Variants in TMEM45A observed in about 807,000 individuals in gnomAD.
TMEM45A encodes transmembrane protein 45A.
TMEM45A carries 25 observed loss-of-function variants against 32.0 expected under a neutral mutation model. The observed-to-expected ratio is 0.78, with a 90% CI of 0.57 to 1.09. TMEM45A has a LOEUF of 1.09. Ranked by LOEUF, TMEM45A falls within the 50% of genes least tolerant of loss-of-function variation. The pLI is 0.00. For synonymous variants in TMEM45A, 122 were observed against 114.8 expected (o/e 1.06, Z -0.40); for missense variants, 302 against 325.0 (o/e 0.93, Z 0.54).
At position 100,512,497 on chromosome 3, in the gene TMEM45A, C is replaced by T. The variant is rs539169861; in HGVS notation, c.-4+19569C>T. ...GCAGTGTGTAGAGGGAAATTTATAGCACTAAATGCCCACAAGAGAAAGGAG... is the reference window on the plus strand; with the variant it reads ...GCAGTGTGTAGAGGGAAATTTATAGTACTAAATGCCCACAAGAGAAAGGAG... On this transcript the variant is annotated intron_variant, in intron 1 of 5. Transcript: ENST00000323523. Among the ~76,000 whole-genome samples, 286 of 152,282 alleles carry T rather than the reference C, an allele frequency of 1.9e-3. 1 individual carries two copies. Among genetic ancestry groups the T allele is most frequent in the African/African-American group, 6.5e-3 (271 of 41,562 alleles).
chr3:100,564,988 G>A (rs1706400612), intron 4 of TMEM45A, among the ~76,000 whole-genome samples: 1 of 152,176 alleles, frequency 6.6e-6, no homozygotes, highest in South Asian at 2.1e-4. Context: ...CCAGGTCACT[G>A]TCCTTCGTAT....
chr3:100,539,991 C>A (rs1449372047), intron 1 of TMEM45A, among the ~76,000 whole-genome samples: 2 of 151,810 alleles, frequency 1.3e-5, no homozygotes, highest in Non-Finnish European at 1.5e-5. Flanking sequence ...ATGTAAAATG[C>A]AAAAGTGTAA....
intron 1 of TMEM45A, among the ~76,000 whole-genome samples, chr3:100,526,051 C>A (rs1469190399): frequency 6.6e-6 from 1 of 152,192 alleles, no homozygotes; most frequent in Non-Finnish European, 1.5e-5. Context: ...AAATGAGCGT[C>A]TGCAGCAGCC....
chr3:100,515,369 A>G (rs1179830693), intron 1 of TMEM45A, among the ~76,000 whole-genome samples: 5 of 151,406 alleles, frequency 3.3e-5, no homozygotes, highest in African/African-American at 4.9e-5. Flanking sequence ...TCAGTAAACT[A>G]TCACAAGAAC....
At chr3:100,555,470 A>G (rs909752346) in intron 2 of TMEM45A, 69 bp downstream of exon 2, 1 of 1,434,388 alleles carries the variant, frequency 7.0e-7, no homozygotes, top group Non-Finnish European at 9.4e-7. Context: ...AATTGGTTGG[A>G]GCTTCTGAAA....
chr3:100,527,753 A>G (rs1705573711), intron 1 of TMEM45A, among the ~76,000 whole-genome samples: 1 of 152,202 alleles, frequency 6.6e-6, no homozygotes. Flanking sequence ...TGGAACCACT[A>G]ACATTTTAGA....
chr3:100,518,326 C>G (rs1254878482), intron 1 of TMEM45A, among the ~76,000 whole-genome samples: 1 of 152,178 alleles, frequency 6.6e-6, no homozygotes, highest in East Asian at 1.9e-4. Flanking sequence ...TATGAAACTG[C>G]TGTCCATACT....
chr3:100,507,624 A>G (rs1238700416), intron 1 of TMEM45A, among the ~76,000 whole-genome samples: 3 of 148,118 alleles, frequency 2.0e-5, no homozygotes, highest in Admixed American at 1.3e-4. Flanking sequence ...CCATGGATTG[A>G]GTAACTAGAG....
intron 5 of TMEM45A, chr3:100,573,683 T>C (rs1297871981): frequency 6.6e-6 from 1 of 152,198 alleles, no homozygotes; most frequent in Non-Finnish European, 1.5e-5. Context: ...TTGTGCCAGT[T>C]TTCAAAGGGA....
rs144353545 is a variant in TMEM45A at position 100,575,330 on chromosome 3, A to G, written c.735-1595A>G. Among the ~76,000 whole-genome samples the G allele has an allele frequency of 3.7e-3, 535 of 143,240 alleles. 4 individuals are homozygous for G. The highest frequency in any genetic ancestry group is 0.012 in the African/African-American group (470 of 38,578). The allele number at this position is 143,240 out of a possible 152,430, so 94.0% of individuals were successfully genotyped here. ...GTCACATCTTCTAGTGTCAAAAATT[A>G]TAATCCGTGCTTCCCCCAGGCCTAT... is the stretch of plus-strand genomic sequence containing the variant. On this transcript the variant is annotated intron_variant, in intron 5 of 5. Coordinates refer to ENST00000323523, the MANE Select transcript of TMEM45A (RefSeq NM_018004.3).
At chr3:100,529,659 T>A (rs1232748568) in intron 1 of TMEM45A, among the ~76,000 whole-genome samples, 1 of 152,202 alleles carries the variant, frequency 6.6e-6, no homozygotes, top group East Asian at 1.9e-4. Context: ...TCTCATTCTG[T>A]CACCCAGGAT....
chr3:100,511,323 A>G (rs1406952396), intron 1 of TMEM45A, among the ~76,000 whole-genome samples: 1 of 152,224 alleles, frequency 6.6e-6, no homozygotes, highest in Non-Finnish European at 1.5e-5. Context: ...AATATTCAAC[A>G]TTCTTAAAGA....
intron 1 of TMEM45A, among the ~76,000 whole-genome samples, chr3:100,496,313 T>C (rs751995602): frequency 7.2e-5 from 11 of 152,216 alleles, no homozygotes; most frequent in Non-Finnish European, 1.3e-4. Context: ...GTTCTGATGA[T>C]GGTCATGTCC....
chr3:100,555,093 T>TCAGGATA, intron 1 of TMEM45A, 116 bp from the exon 2 acceptor site: 1 of 894,140 alleles, frequency 1.1e-6, no homozygotes, highest in Non-Finnish European at 1.7e-6. Flanking sequence ...AGAATCATCC[T>TCAGGATA]CAGTGATGTA....
At chr3:100,517,382 G>A (rs963827127) in intron 1 of TMEM45A, among the ~76,000 whole-genome samples, 30 of 152,194 alleles carry the variant, frequency 2.0e-4, no homozygotes, top group South Asian at 4.1e-4. Context: ...CACCGCACCC[G>A]GCTGGGAATG....
At chr3:100,534,997 T>C (rs6441316) in intron 1 of TMEM45A, among the ~76,000 whole-genome samples, 70,160 of 151,618 alleles carry the variant, frequency 0.46, 16,717 homozygotes, top group African/African-American at 0.57. Flanking sequence ...CTGTTCTCGC[T>C]CCCTCAAACT....
chr3:100,540,402 G>T (rs760962518), intron 1 of TMEM45A, among the ~76,000 whole-genome samples: 1 of 152,064 alleles, frequency 6.6e-6, no homozygotes, highest in African/African-American at 2.4e-5. Flanking sequence ...TCTTATCAAA[G>T]AAGGCATACA....
intron 4 of TMEM45A, among the ~76,000 whole-genome samples, chr3:100,559,995 G>A (rs951079779): frequency 1.8e-4 from 27 of 152,100 alleles, no homozygotes; most frequent in Non-Finnish European, 2.9e-4. Context: ...CAGAGCAGAC[G>A]GTGATGGTTG....
intron 1 of TMEM45A, among the ~76,000 whole-genome samples, chr3:100,509,378 T>C (rs114481388): frequency 0.012 from 1,861 of 151,688 alleles, 25 homozygotes; most frequent in African/African-American, 0.042. Flanking sequence ...AATATGGGGG[T>C]TTCTCAAAAA....
Sources: allele counts gnomAD v4.1 joint callset (sites outside exome capture counted in the v4.1 genomes callset), GRCh38; gene constraint gnomAD v4.1.1; transcripts MANE v1.5; gene names NCBI Gene and HGNC (gene_info 2026-07-23, HGNC 2026-07-21).